The following FBXL5 variants were observed in gnomAD, a reference collection of about 807,000 sequenced individuals.
FBXL5 encodes F-box and leucine rich repeat protein 5.
A neutral mutation model predicts 78.3 loss-of-function variants in FBXL5; 26 were observed. The observed-to-expected ratio is 0.33, with a 90% confidence interval of 0.24 to 0.46. FBXL5 has a LOEUF of 0.46. Ranked by LOEUF, FBXL5 falls within the 20% of genes least tolerant of loss-of-function variation. The pLI, the probability that FBXL5 is intolerant of heterozygous loss-of-function variation, is 1.00. For synonymous variants in FBXL5, 295 were observed against 282.5 expected, an observed-to-expected ratio of 1.04 and a Z score of -0.45; for missense variants, 710 against 829.2, an observed-to-expected ratio of 0.86 and a Z score of 1.77.
chr4:15,655,071 C>G, intron 1 of FBXL5, 133 bp downstream of exon 1: 1 of 598,758 alleles, frequency 1.7e-6, no homozygotes, highest in Non-Finnish European at 2.3e-6. Context: ...GCGCTGACAG[C>G]TGCGCAGGCG....
At chr4:15,649,777 T>C (rs1472321516) in intron 1 of FBXL5, among the ~76,000 whole-genome samples, 3 of 152,220 alleles carry the variant, frequency 2.0e-5, no homozygotes, top group Middle Eastern at 3.4e-3. Context: ...ATTACCCTAG[T>C]GTTTTTATAT....
chr4:15,622,833 C>T (rs974761514), intron 9 of FBXL5, among the ~76,000 whole-genome samples: 1 of 152,146 alleles, frequency 6.6e-6, no homozygotes, highest in Non-Finnish European at 1.5e-5. Context: ...CCTACGTGTT[C>T]CCTTGTTCCC....
At chr4:15,636,071 C>T (rs560462127) in intron 5 of FBXL5, among the ~76,000 whole-genome samples, 132 of 151,914 alleles carry the variant, frequency 8.7e-4, no homozygotes, top group Non-Finnish European at 1.6e-3. Context: ...AGAATTTATT[C>T]TGTATTTTAA....
chr4:15,642,531 C>A (rs914347423), intron 2 of FBXL5, among the ~76,000 whole-genome samples: 1 of 152,154 alleles, frequency 6.6e-6, no homozygotes, highest in Non-Finnish European at 1.5e-5. Context: ...CCACCATGCC[C>A]AGCCTATGAA....
chr4:15,613,875 T>C (rs952912304), intron 9 of FBXL5, among the ~76,000 whole-genome samples: 2 of 152,186 alleles, frequency 1.3e-5, no homozygotes, highest in African/African-American at 4.8e-5. Flanking sequence ...AAGTTTCTAT[T>C]CACCTTTCTC....
chr4:15,616,938 C>T (rs754689756), intron 9 of FBXL5, among the ~76,000 whole-genome samples: 101 of 152,174 alleles, frequency 6.6e-4, no homozygotes, highest in Non-Finnish European at 1.2e-3. Flanking sequence ...CTGCCTCTTT[C>T]CCAAGATGGC....
At chr4:15,670,203 G>A (rs1410183937) in intron 1 of FBXL5, among the ~76,000 whole-genome samples, 2 of 152,078 alleles carry the variant, frequency 1.3e-5, no homozygotes, top group African/African-American at 4.8e-5. Flanking sequence ...CTAAATTTTG[G>A]TCATTACAAA....
chr4:15,678,065 C>A (rs1718061316), intron 1 of FBXL5, among the ~76,000 whole-genome samples: 1 of 152,168 alleles, frequency 6.6e-6, no homozygotes, highest in African/African-American at 2.4e-5. Context: ...GGGTGTGTTT[C>A]ATACATACTT....
chr4:15,643,382 G>A (rs1215833404), intron 2 of FBXL5, among the ~76,000 whole-genome samples: 1 of 152,152 alleles, frequency 6.6e-6, no homozygotes, highest in Non-Finnish European at 1.5e-5. Flanking sequence ...CAAGCCAGAA[G>A]GGAAATAAAC....
chr4:15,675,572 ATTTTT>A (rs60660814), intron 1 of FBXL5, among the ~76,000 whole-genome samples: 2 of 96,702 alleles, frequency 2.1e-5, no homozygotes, highest in African/African-American at 3.9e-5. Context: ...CAAAACTCCT[ATTTTT>A]TTTTTTTTTT....
chr4:15,654,583 A>G (rs1428495781), intron 1 of FBXL5, among the ~76,000 whole-genome samples: 2 of 152,244 alleles, frequency 1.3e-5, no homozygotes, highest in Admixed American at 1.3e-4. Context: ...AACGATAACG[A>G]CACATGAAGA....
At chr4:15,630,577 A>G (rs1228590375) in intron 6 of FBXL5, 89 bp downstream of exon 6, 20 of 1,226,642 alleles carry the variant, frequency 1.6e-5, no homozygotes, top group Non-Finnish European at 2.2e-5. Flanking sequence ...AAAACACAAA[A>G]TACATAAATC....
chr4:15,609,163 T>C (rs995140277), intron 10 of FBXL5, among the ~76,000 whole-genome samples: 8 of 152,058 alleles, frequency 5.3e-5, no homozygotes, highest in African/African-American at 9.7e-5. Flanking sequence ...CTTTAAATAT[T>C]TGACTTATCA....
chr4:15,622,535 C>A (rs750484543), intron 9 of FBXL5, among the ~76,000 whole-genome samples: 1 of 152,148 alleles, frequency 6.6e-6, no homozygotes, highest in Non-Finnish European at 1.5e-5. Context: ...TATGAAGTGG[C>A]ATTCTCTGTA....
At chr4:15,655,039 G>A (rs919549378) in intron 1 of FBXL5, among the ~76,000 whole-genome samples, 165 bp downstream of exon 1, 27 of 150,894 alleles carry the variant, frequency 1.8e-4, no homozygotes, top group Non-Finnish European at 3.0e-4. Context: ...CGCAGCGGGC[G>A]GGCAGGCTGC....
At chr4:15,629,598 T>C (rs1475771614) in intron 6 of FBXL5, among the ~76,000 whole-genome samples, 1 of 152,150 alleles carries the variant, frequency 6.6e-6, no homozygotes, top group African/African-American at 2.4e-5. Context: ...TTTTGCTTTT[T>C]TCCATTTTGT....
intron 6 of FBXL5, among the ~76,000 whole-genome samples, chr4:15,628,781 ACACACACG>A (rs974841509): frequency 1.4e-5 from 1 of 71,724 alleles, no homozygotes; most frequent in African/African-American, 4.7e-5. Flanking sequence ...AGACACACAC[ACACACACG>A]CACACACACA....
chr4:15,655,518 C>T, upstream of FBXL5: 1 of 345,502 alleles, frequency 2.9e-6, no homozygotes, highest in Non-Finnish European at 4.1e-6. Context: ...GCCTCCCGCC[C>T]CCACTCTTTT....
intron 1 of FBXL5, among the ~76,000 whole-genome samples, chr4:15,670,238 T>C (rs1186018644): frequency 6.6e-6 from 1 of 152,222 alleles, no homozygotes; most frequent in Non-Finnish European, 1.5e-5. Context: ...ACATTTGTCT[T>C]TGCATGAACA....
Sources: gnomAD v4.1 joint callset for allele counts (sites outside exome capture counted in the v4.1 genomes callset) on GRCh38, gnomAD v4.1.1 for gene constraint, MANE v1.5 for transcripts, NCBI Gene and HGNC (gene_info 2026-07-23, HGNC 2026-07-21) for gene names.